The following SAE1 variants were observed in gnomAD, a reference collection of about 807,000 sequenced individuals.
The protein encoded by SAE1 is SUMO1 activating enzyme subunit 1.
SAE1 carries 11 observed loss-of-function variants against 40.6 expected under a neutral mutation model. The ratio of observed to expected loss-of-function variants is 0.27; its 90% CI spans 0.17 to 0.45. The LOEUF (loss-of-function observed/expected upper bound fraction) is 0.45, where lower values mean the gene tolerates loss of function less well. SAE1 is among the 20% of genes least tolerant of loss of function. The pLI, the probability that SAE1 is intolerant of heterozygous loss-of-function variation, is 1.00. For synonymous variants in SAE1, 155 were observed against 154.3 expected, an observed-to-expected ratio of 1.00 and a Z score of -0.03; for missense variants, 373 against 427.3, an observed-to-expected ratio of 0.87 and a Z score of 1.12.
intron 1 of SAE1, among the ~76,000 whole-genome samples, chr19:47,133,030 G>A (rs2058156324): frequency 6.6e-6 from 1 of 152,170 alleles, no homozygotes; most frequent in Non-Finnish European, 1.5e-5. Context: ...ATGGGAAAGA[G>A]CCCTGTGGTC....
chr19:47,208,678 G>A (rs1425650538), intron 8 of SAE1, among the ~76,000 whole-genome samples: 2 of 152,166 alleles, frequency 1.3e-5, no homozygotes, highest in Non-Finnish European at 2.9e-5. Flanking sequence ...GCCCACTTCA[G>A]CCTCCCAGAG....
intron 1 of SAE1, among the ~76,000 whole-genome samples, chr19:47,143,099 A>T (rs1162449355): frequency 6.6e-6 from 1 of 152,038 alleles, no homozygotes; most frequent in East Asian, 1.9e-4. Context: ...ATGCAGTTAG[A>T]ACCAAAATGA....
intron 6 of SAE1, among the ~76,000 whole-genome samples, chr19:47,186,673 G>A (rs924714887): frequency 7.2e-5 from 11 of 152,064 alleles, no homozygotes; most frequent in African/African-American, 2.7e-4. Context: ...CCGGCGCCTC[G>A]GAACCTCTTC....
intron 6 of SAE1, among the ~76,000 whole-genome samples, chr19:47,174,453 A>G (rs1016712125): frequency 5.3e-5 from 8 of 151,036 alleles, no homozygotes; most frequent in African/African-American, 2.0e-4. Flanking sequence ...CTGGAGTGCA[A>G]TGGTGCGATC....
intron 1 of SAE1, among the ~76,000 whole-genome samples, chr19:47,140,807 AC>A: frequency 6.6e-6 from 1 of 152,166 alleles, no homozygotes; most frequent in African/African-American, 2.4e-5. Flanking sequence ...ATAAAACAAA[AC>A]GTAAACATGG....
chr19:47,179,343 T>C (rs1288326237), intron 6 of SAE1, among the ~76,000 whole-genome samples: 1 of 150,978 alleles, frequency 6.6e-6, no homozygotes, highest in East Asian at 2.0e-4. Context: ...CTGTCTCTAC[T>C]AAAGTACAAA....
chr19:47,160,075 C>A (rs773707681), intron 5 of SAE1, among the ~76,000 whole-genome samples: 17 of 152,214 alleles, frequency 1.1e-4, no homozygotes, highest in Non-Finnish European at 2.5e-4. Context: ...TATATTAATT[C>A]TCACGGTTTA....
intron 7 of SAE1, 90 bp downstream of exon 7, chr19:47,197,467 A>C (rs1600213440): frequency 9.9e-6 from 12 of 1,206,984 alleles, no homozygotes; most frequent in Non-Finnish European, 1.2e-6. Context: ...TTTATTAGAA[A>C]CCCTTCAGAG....
chr19:47,161,550 AC>A (rs1484646160), intron 5 of SAE1, among the ~76,000 whole-genome samples: 5 of 152,308 alleles, frequency 3.3e-5, no homozygotes, highest in African/African-American at 1.2e-4. Flanking sequence ...AGGGGCAGAT[AC>A]AGCCCTGCTT....
chr19:47,155,028 G>T (rs545470613), intron 4 of SAE1, 86 bp from the exon 5 acceptor site: 41 of 830,618 alleles, frequency 4.9e-5, no homozygotes, highest in Non-Finnish European at 7.1e-5. Flanking sequence ...CCACCATCCC[G>T]ATCTGTGACC....
chr19:47,147,161 G>A (rs921015804), intron 2 of SAE1, among the ~76,000 whole-genome samples: 5 of 149,020 alleles, frequency 3.4e-5, no homozygotes, highest in Non-Finnish European at 7.4e-5. Flanking sequence ...TGTGATCTGT[G>A]GACTGATAGT....
At chr19:47,204,187 C>CTTTTT (rs57736880) in intron 8 of SAE1, among the ~76,000 whole-genome samples, 10 of 82,124 alleles carry the variant, frequency 1.2e-4, no homozygotes, top group Non-Finnish European at 1.5e-4. Context: ...AAAGCCCTCC[C>CTTTTT]TTTTTTTTTT....
rs113477004 is a variant in SAE1, at chr19:47,173,967, G to A, written c.733+4044G>A. On this transcript the variant is annotated intron_variant, in intron 6 of 8. Transcript: ENST00000270225. ...GCCTGGCTAATTTTTTGTATTTTTA[G>A]TAGAGACGGGGTTTCACCGCGTTAG... Among the ~76,000 whole-genome samples the A allele has an allele frequency of 3.3e-5, 5 of 151,850 alleles. 1 individual carries two copies. Among genetic ancestry groups the A allele is most frequent in the South Asian group, 2.1e-4 (1 of 4,804 alleles).
chr19:47,191,779 G>T (rs2123298568), intron 6 of SAE1, among the ~76,000 whole-genome samples: 1 of 152,242 alleles, frequency 6.6e-6, no homozygotes, highest in East Asian at 1.9e-4. Context: ...GAATAGGCCG[G>T]GCGCGGTGGC....
At chr19:47,179,486 G>C (rs983167121) in intron 6 of SAE1, among the ~76,000 whole-genome samples, 2 of 150,750 alleles carry the variant, frequency 1.3e-5, no homozygotes, top group African/African-American at 4.9e-5. Flanking sequence ...CAGCCTGGGT[G>C]ACAGAGCATC....
At chr19:47,198,463 T>C (rs1403669988) in intron 7 of SAE1, among the ~76,000 whole-genome samples, 1 of 152,138 alleles carries the variant, frequency 6.6e-6, no homozygotes, top group Non-Finnish European at 1.5e-5. Flanking sequence ...CCTAATTCCC[T>C]TTCCATGTCT....
chr19:47,163,913 G>A (rs2058373870), intron 5 of SAE1, among the ~76,000 whole-genome samples: 1 of 150,486 alleles, frequency 6.6e-6, no homozygotes, highest in Non-Finnish European at 1.5e-5. Context: ...GGGATTACAG[G>A]CTTGTGCTAC....
chr19:47,169,958 C>T (rs778616741), intron 6 of SAE1, 35 bp downstream of exon 6: 1 of 1,503,500 alleles, frequency 6.7e-7, no homozygotes, highest in Non-Finnish European at 9.3e-7. Flanking sequence ...CCCGGGAGAG[C>T]TTTTGGCTCT....
intron 6 of SAE1, among the ~76,000 whole-genome samples, chr19:47,196,681 C>T (rs2058618600): frequency 6.6e-6 from 1 of 151,648 alleles, no homozygotes; most frequent in Non-Finnish European, 1.5e-5. Context: ...CTTAATAGAG[C>T]CTTTTTCCTC....
Sources: gnomAD v4.1 joint callset for allele counts (sites outside exome capture counted in the v4.1 genomes callset) on GRCh38, gnomAD v4.1.1 for gene constraint, MANE v1.5 for transcripts, NCBI Gene and HGNC (gene_info 2026-07-23, HGNC 2026-07-21) for gene names.